USP44: variants seen among roughly 807,000 people sequenced by gnomAD.
The protein encoded by USP44 is ubiquitin carboxyl-terminal hydrolase 44.
In USP44, 61 loss-of-function variants were observed where a neutral mutation model predicts 69.0. The observed-to-expected ratio is 0.88, with a 90% CI of 0.72 to 1.09. The LOEUF is 1.09. USP44 is among the 50% of genes least tolerant of loss of function. The pLI is 0.00. For missense variants in USP44, 753 were observed against 849.9 expected (o/e 0.89, Z 1.42); for synonymous variants, 297 against 295.4 (o/e 1.01, Z -0.06).
Position 95,517,891 on chromosome 12 carries a change from G to A in USP44, c.*263C>T, listed in dbSNP as rs1020276376. On this transcript the variant is annotated 3_prime_UTR_variant, in exon 6 of 6. Coordinates refer to ENST00000258499, the MANE Select transcript of USP44 (RefSeq NM_032147.5). ...AGAAGATTGCACAAGTTCATCATCC[G>A]AGCCAATTAAGACATAAAAATATAA... 5 of 283,316 alleles carry A rather than the reference G, an allele frequency of 1.8e-5. No individual in the cohort carries two copies. In the Admixed American group the frequency reaches 1.9e-4, roughly 11 times the overall value. The allele number at this position is 283,316 out of a possible 1,614,324, so 17.6% of individuals were successfully genotyped here.
intron 1 of USP44, among the ~76,000 whole-genome samples, chr12:95,546,261 ATGCCT>A (rs1437920984): frequency 2.2e-4 from 33 of 152,246 alleles, no homozygotes; most frequent in African/African-American, 8.0e-4. Context: ...TGTGTGTAAA[ATGCCT>A]AGACTCTGTC....
At chr12:95,544,998 TAA>T (rs1165106895) in intron 1 of USP44, among the ~76,000 whole-genome samples, 1 of 152,182 alleles carries the variant, frequency 6.6e-6, no homozygotes, top group Non-Finnish European at 1.5e-5. Flanking sequence ...ACATGGCACA[TAA>T]AAGCCTTTGA....
In USP44 at chr12:95,527,592, C is replaced by T. The variant is rs369177025; in HGVS notation, c.1624+1215G>A. Among the ~76,000 whole-genome samples the T allele has an allele frequency of 4.8e-4, 73 of 151,800 alleles. No individual in the cohort carries two copies. In the South Asian group the frequency reaches 0.015, roughly 30 times the overall value. On this transcript the variant is annotated intron_variant, in intron 3 of 5. Transcript: ENST00000258499. Reference sequence around the variant, plus strand: ...CTCCGCCTCCTGGGTTCAAGAGATTCTCCTGCCTCAGCCTCCCAAGTAGCT... The same window carrying T: ...CTCCGCCTCCTGGGTTCAAGAGATTTTCCTGCCTCAGCCTCCCAAGTAGCT...
At chr12:95,543,378 G>A (rs1401896919) in intron 1 of USP44, among the ~76,000 whole-genome samples, 1 of 131,470 alleles carries the variant, frequency 7.6e-6, no homozygotes, top group Non-Finnish European at 1.6e-5. Flanking sequence ...CAGCAGTCCA[G>A]TCTGGGAGAC....
rs374228384 is a variant in USP44, at chr12:95,525,015, A to G, written c.1625-227T>C. The stretch of plus-strand genomic sequence containing the variant: ...GTTAGACAGATCTGTAATCAAGTAC[A>G]TGATTTAATAATAATCTTGCATATA... On this transcript the variant is annotated intron_variant, in intron 3 of 5. Transcript: ENST00000258499. Among the ~76,000 whole-genome samples the G allele has an allele frequency of 3.3e-5, 5 of 152,366 alleles. No homozygotes were observed. The East Asian group carries it at 5.8e-4, about 18-fold the overall frequency.
At chr12:95,528,775 G>T in intron 3 of USP44, 32 bp downstream of exon 3, 1 of 1,580,506 alleles carries the variant, frequency 6.3e-7, no homozygotes, top group South Asian at 1.2e-5. Flanking sequence ...TCATTCCTAG[G>T]AAAGCACCAA....
At chr12:95,528,228 A>G (rs1272017197) in intron 3 of USP44, among the ~76,000 whole-genome samples, 2 of 152,196 alleles carry the variant, frequency 1.3e-5, no homozygotes, top group African/African-American at 4.8e-5. Context: ...ATCATAGTGG[A>G]TCCTGTCTAT....
At chr12:95,537,422 G>A (rs566969895) in intron 1 of USP44, among the ~76,000 whole-genome samples, 12 of 152,186 alleles carry the variant, frequency 7.9e-5, no homozygotes, top group South Asian at 2.1e-4. Context: ...GGGTTCAAGC[G>A]ATTCTCCTGC....
intron 4 of USP44, among the ~76,000 whole-genome samples, chr12:95,524,273 G>A (rs1050918624): frequency 6.6e-6 from 1 of 151,486 alleles, no homozygotes; most frequent in African/African-American, 2.4e-5. Flanking sequence ...GTAGAGATGG[G>A]GTTTCACCAT....
chr12:95,550,101 C>T (rs1315872497), intron 1 of USP44, among the ~76,000 whole-genome samples: 1 of 150,536 alleles, frequency 6.6e-6, no homozygotes, highest in Non-Finnish European at 1.5e-5. Context: ...ATCGCTTGAA[C>T]CCAGGAGGCG....
intron 1 of USP44, among the ~76,000 whole-genome samples, chr12:95,540,342 C>CTTTTT (rs61446138): frequency 1.5e-5 from 2 of 130,142 alleles, no homozygotes; most frequent in Non-Finnish European, 3.2e-5. Context: ...TTCCATCCAT[C>CTTTTT]TTTTTTTTTT....
chr12:95,524,242 G>A (rs933905700), intron 4 of USP44, among the ~76,000 whole-genome samples: 7 of 151,736 alleles, frequency 4.6e-5, no homozygotes, highest in South Asian at 2.1e-4. Flanking sequence ...CACCATGCCC[G>A]GCTACAGTTT....
At chr12:95,528,324 A>G (rs950067377) in intron 3 of USP44, among the ~76,000 whole-genome samples, 4 of 152,262 alleles carry the variant, frequency 2.6e-5, no homozygotes, top group African/African-American at 9.6e-5. Context: ...CAGAAGAGAC[A>G]GTGCATGGTT....
rs1263125395 is a variant in USP44, at chr12:95,517,834, A to G, written c.*320T>C. 4.8e-6 allele frequency: 1 copy of G among 210,444 alleles called. No individual in the cohort carries two copies. The highest frequency in any genetic ancestry group is 9.6e-6 in the Non-Finnish European group (1 of 104,230). The allele number at this position is 210,444 out of a possible 1,614,324, so 13.0% of individuals were successfully genotyped here. A position where few individuals can be genotyped will look rare whatever the true frequency, so the allele number is the denominator to read the frequency against. On this transcript the variant is annotated 3_prime_UTR_variant, in exon 6 of 6. Transcript: ENST00000258499. ...GAAAATACCTGAAAAAGATACATGTATATAAAATGATGCCACTTGAACTTT... is the reference window on the plus strand; with the variant it reads ...GAAAATACCTGAAAAAGATACATGTGTATAAAATGATGCCACTTGAACTTT...
At chr12:95,540,175 C>G (rs2077342286) in intron 1 of USP44, among the ~76,000 whole-genome samples, 5 of 152,178 alleles carry the variant, frequency 3.3e-5, no homozygotes, top group African/African-American at 9.6e-5. Flanking sequence ...TTAGCCCTAA[C>G]CTTTCTGAAC....
chr12:95,518,487 G>A, intron 5 of USP44, 134 bp from the exon 6 acceptor site: 1 of 889,150 alleles, frequency 1.1e-6, no homozygotes, highest in Non-Finnish European at 1.7e-6. Context: ...GAGAAATATA[G>A]ATTGGGCAGT....
At position 95,533,712 on chromosome 12, in the gene USP44, T is replaced by G; in HGVS notation, c.545A>C (p.Glu182Ala). The G allele has an allele frequency of 6.2e-7, 1 of 1,614,034 alleles. No homozygotes were observed. Among genetic ancestry groups the G allele is most frequent in the Non-Finnish European group, 8.5e-7 (1 of 1,180,020 alleles). Residue 182 changes from glutamate (E) to alanine (A), a missense_variant, in exon 2 of 6, where the codon GAA (glutamate) becomes GCA (alanine). Physicochemically the swap from Glu to Ala is moderately radical, Grantham distance 107 (BLOSUM62 -1). Transcript: ENST00000258499. ...GRKKQEEPFQ[E>A]KIVVKREVKK... ...TACTTCTCTTTTTACTACTATTTTT[T>G]CCTGAAATGGTTCTTCTTGCTTTTT...
Position 95,525,196 on chromosome 12 carries a change from CATGTAACTGGGACT to C in USP44, c.1625-422_1625-409del, listed in dbSNP as rs1349847402. 2.0e-5 allele frequency among the ~76,000 whole-genome samples: 3 copies of C among 152,292 alleles called. No individual in the cohort carries two copies. The East Asian group carries it at 5.8e-4, about 29-fold the overall frequency. ...AAGCAATTCTCCTGCCTCAGCCTCC[CATGTAACTGGGACT>C]ATAGGTGCGTGCCACCATGCCCGGC... On this transcript the variant is annotated intron_variant, in intron 3 of 5. Coordinates refer to ENST00000258499, the MANE Select transcript of USP44 (RefSeq NM_032147.5).
At chr12:95,539,652 T>C (rs2077326050) in intron 1 of USP44, among the ~76,000 whole-genome samples, 1 of 152,230 alleles carries the variant, frequency 6.6e-6, no homozygotes, top group Admixed American at 6.5e-5. Flanking sequence ...TTTAATTTGT[T>C]CAAACAAAGC....
Sources: gnomAD v4.1 joint callset for allele counts (sites outside exome capture counted in the v4.1 genomes callset) on GRCh38, gnomAD v4.1.1 for gene constraint, MANE v1.5 for transcripts, NCBI Gene and HGNC (gene_info 2026-07-23, HGNC 2026-07-21) for gene names.